Variants in AGXT2 observed in about 807,000 individuals in gnomAD.
AGXT2 encodes the protein alanine--glyoxylate aminotransferase 2, also known as alanine--glyoxylate aminotransferase 2, mitochondrial.
AGXT2 carries 61 observed loss-of-function variants against 62.5 expected under a neutral mutation model. That is an observed-to-expected ratio of 0.98 (90% CI 0.79 to 1.21). The LOEUF is 1.21. Ranked by LOEUF, AGXT2 falls within the 50% of genes most tolerant of loss-of-function variation. The pLI is 0.00. For missense variants in AGXT2, 666 were observed against 641.5 expected, an observed-to-expected ratio of 1.04 and a Z score of -0.41; for synonymous variants, 243 against 218.7, an observed-to-expected ratio of 1.11 and a Z score of -0.98.
chr5:35,010,522 A>G (rs1404783264), intron 11 of AGXT2, among the ~76,000 whole-genome samples: 1 of 151,990 alleles, frequency 6.6e-6, no homozygotes, highest in Non-Finnish European at 1.5e-5. Context: ...TACTTTAAAA[A>G]AAAAATACAA....
chr5:35,047,415 C>T (rs1259958655), intron 1 of AGXT2, among the ~76,000 whole-genome samples: 1 of 152,112 alleles, frequency 6.6e-6, no homozygotes, highest in Non-Finnish European at 1.5e-5. Context: ...TGTACTCCAA[C>T]CTAGGTGACA....
intron 11 of AGXT2, 61 bp from the exon 12 acceptor site, chr5:35,010,210 C>A: frequency 1.2e-6 from 2 of 1,604,800 alleles, no homozygotes; most frequent in South Asian, 1.1e-5. Context: ...GACTGAGAAT[C>A]GTGGAGAAGT....
At chr5:35,045,468 C>T (rs1768152178) in intron 1 of AGXT2, among the ~76,000 whole-genome samples, 1 of 152,136 alleles carries the variant, frequency 6.6e-6, no homozygotes, top group Non-Finnish European at 1.5e-5. Flanking sequence ...TCATTTATGT[C>T]TATCTCCTTC....
At chr5:35,009,489 G>A (rs1339675000) in intron 12 of AGXT2, among the ~76,000 whole-genome samples, 3 of 152,012 alleles carry the variant, frequency 2.0e-5, no homozygotes, top group African/African-American at 4.8e-5. Flanking sequence ...CCAGCTACCC[G>A]GGAGGCTGAG....
intron 7 of AGXT2, among the ~76,000 whole-genome samples, chr5:35,029,310 C>A (rs562977224): frequency 1.7e-4 from 26 of 152,336 alleles, no homozygotes; most frequent in Admixed American, 1.3e-3. Context: ...GGAAATTTAA[C>A]AAGCCCATTT....
chr5:35,024,161 G>A (rs915967892), intron 9 of AGXT2, among the ~76,000 whole-genome samples: 20 of 152,116 alleles, frequency 1.3e-4, no homozygotes, highest in African/African-American at 4.8e-4. Context: ...CCAAAGTGCT[G>A]GGATGACAGA....
chr5:35,009,969 A>G (rs767349408), intron 12 of AGXT2, 31 bp downstream of exon 12: 31 of 1,613,906 alleles, frequency 1.9e-5, no homozygotes, highest in Non-Finnish European at 2.6e-5. Flanking sequence ...GGCTCCAAGC[A>G]GCTGAGAGAG....
In AGXT2 at chr5:35,003,789, C is replaced by A; in HGVS notation, c.1411G>T (p.Val471Phe). The A allele has an allele frequency of 6.2e-7, 1 of 1,614,166 alleles. No homozygotes were observed. Among genetic ancestry groups the A allele is most frequent in the Non-Finnish European group, 8.5e-7 (1 of 1,180,026 alleles). The part of the protein sequence containing the change: ...HEDCKHMGLL[V>F]GRGSIFSQTF... The stretch of plus-strand genomic sequence containing the variant: ...TGAGAAAAAATGCTGCCTCTGCCAA[C>A]GAGGAGTCCCATGTGCTTGCAGTCC... The change falls in exon 13 of 14, where the codon GTT (valine) becomes TTT (phenylalanine). Residue 471 changes from valine (V) to phenylalanine (F), a missense_variant. Transcript: ENST00000231420.
At chr5:34,999,420 C>G (rs1766146931) in intron 13 of AGXT2, among the ~76,000 whole-genome samples, 1 of 152,192 alleles carries the variant, frequency 6.6e-6, no homozygotes, top group Non-Finnish European at 1.5e-5. Flanking sequence ...TAGGCTCACA[C>G]TTGCCCCTCA....
At chr5:35,023,725 G>A (rs575725116) in intron 9 of AGXT2, among the ~76,000 whole-genome samples, 7 of 152,160 alleles carry the variant, frequency 4.6e-5, no homozygotes, top group Admixed American at 3.3e-4. Context: ...GATGGTCTCA[G>A]CAGGAGCAGG....
chr5:35,040,530 C>A (rs750507110), intron 2 of AGXT2, 45 bp downstream of exon 2: 1 of 1,559,360 alleles, frequency 6.4e-7, no homozygotes, highest in East Asian at 2.2e-5. Context: ...GAGACCTCCC[C>A]AGAGAAACTA....
chr5:35,024,732 G>T (rs553980182), intron 9 of AGXT2, among the ~76,000 whole-genome samples: 14 of 152,162 alleles, frequency 9.2e-5, no homozygotes, highest in Non-Finnish European at 1.8e-4. Context: ...ACTTTGGGAC[G>T]CCAAGGTGGG....
intron 13 of AGXT2, among the ~76,000 whole-genome samples, chr5:34,999,956 C>A (rs577716835): frequency 6.6e-6 from 1 of 152,208 alleles, no homozygotes; most frequent in Non-Finnish European, 1.5e-5. Flanking sequence ...GCTCTCATAA[C>A]CCCAATCTAG....
intron 3 of AGXT2, among the ~76,000 whole-genome samples, chr5:35,037,953 G>A (rs766557992): frequency 6.7e-6 from 1 of 150,126 alleles, no homozygotes; most frequent in Non-Finnish European, 1.5e-5. Flanking sequence ...GACATTAATT[G>A]CTACAGTTTG....
At chr5:35,015,995 G>A (rs1766837801) in intron 9 of AGXT2, among the ~76,000 whole-genome samples, 1 of 152,006 alleles carries the variant, frequency 6.6e-6, no homozygotes, top group African/African-American at 2.4e-5. Context: ...GACCTGGGCT[G>A]GAATCAGAGC....
At chr5:35,006,541 C>T (rs1766430837) in intron 12 of AGXT2, among the ~76,000 whole-genome samples, 1 of 151,802 alleles carries the variant, frequency 6.6e-6, no homozygotes, top group Non-Finnish European at 1.5e-5. Context: ...TTTTAAACAA[C>T]CAGATCTCAG....
At position 35,003,750 on chromosome 5, in the gene AGXT2, G is replaced by A; in HGVS notation, c.1437+13C>T. 2 of 1,609,682 alleles carry A rather than the reference G, an allele frequency of 1.2e-6. No individual in the cohort carries two copies. Among genetic ancestry groups the A allele is most frequent in the Non-Finnish European group, 1.7e-6 (2 of 1,176,010 alleles). ...TACCTAGAGCGATAGGTAAAAACCA[G>A]TCTTTCTCTTACCTGAGAAAAAATG... On this transcript the variant is annotated intron_variant, in intron 13 of 13. Coordinates refer to ENST00000231420, the MANE Select transcript of AGXT2 (RefSeq NM_031900.4).
chr5:35,021,711 A>G (rs1461732063), intron 9 of AGXT2, among the ~76,000 whole-genome samples: 2 of 152,336 alleles, frequency 1.3e-5, no homozygotes, highest in African/African-American at 4.8e-5. Context: ...ACAAAAGCCA[A>G]AATTGACAAA....
chr5:35,015,549 T>C (rs1433986008), intron 9 of AGXT2, among the ~76,000 whole-genome samples: 1 of 152,146 alleles, frequency 6.6e-6, no homozygotes, highest in Non-Finnish European at 1.5e-5. Context: ...TGAAATGCAC[T>C]TAAAAGAGTG....
Sources: allele counts gnomAD v4.1 joint callset (sites outside exome capture counted in the v4.1 genomes callset), GRCh38; gene constraint gnomAD v4.1.1; transcripts MANE v1.5; gene names NCBI Gene and HGNC (gene_info 2026-07-23, HGNC 2026-07-21).